ATF2: variants seen among roughly 807,000 people sequenced by gnomAD.
ATF2 encodes the protein activating transcription factor 2.
In ATF2, 24 loss-of-function variants were observed where a neutral mutation model predicts 60.6. The observed-to-expected ratio is 0.40, with a 90% CI of 0.29 to 0.56. The LOEUF (loss-of-function observed/expected upper bound fraction) is 0.56, where lower values mean the gene tolerates loss of function less well. Among genes scored for constraint, ATF2 ranks in the 20% least tolerant of loss-of-function variants. The pLI, the probability that ATF2 is intolerant of heterozygous loss-of-function variation, is 0.54. For missense variants in ATF2, 433 were observed against 607.7 expected, an observed-to-expected ratio of 0.71 and a Z score of 3.02; for synonymous variants, 206 against 215.4, an observed-to-expected ratio of 0.96 and a Z score of 0.38.
intron 4 of ATF2, among the ~76,000 whole-genome samples, chr2:175,121,938 T>C (rs1411047042): frequency 6.6e-6 from 1 of 151,924 alleles, no homozygotes; most frequent in African/African-American, 2.4e-5. Flanking sequence ...AATATTTACC[T>C]AGACTTAAGG....
chr2:175,145,662 T>C (rs980841344), intron 2 of ATF2, among the ~76,000 whole-genome samples: 7 of 152,196 alleles, frequency 4.6e-5, no homozygotes, highest in Non-Finnish European at 8.8e-5. Flanking sequence ...CCTTGAAGAA[T>C]TGGCTGATTC....
At chr2:175,119,797 A>G (rs1197008393) in intron 5 of ATF2, among the ~76,000 whole-genome samples, 2 of 151,712 alleles carry the variant, frequency 1.3e-5, no homozygotes, top group African/African-American at 4.8e-5. Context: ...ATCTAAGTTC[A>G]TCAGAAGGCT....
chr2:175,106,634 G>A (rs376446931), intron 10 of ATF2, among the ~76,000 whole-genome samples: 2 of 151,868 alleles, frequency 1.3e-5, no homozygotes, highest in South Asian at 2.1e-4. Context: ...TCAGGAGTTC[G>A]AGACCAGCCT....
intron 11 of ATF2, among the ~76,000 whole-genome samples, chr2:175,095,403 G>A (rs1694867322): frequency 6.6e-6 from 1 of 152,154 alleles, no homozygotes; most frequent in Admixed American, 6.5e-5. Flanking sequence ...TTCTTATTGA[G>A]AATGGCAGGT....
intron 8 of ATF2, chr2:175,114,419 T>C: frequency 8.0e-7 from 1 of 1,249,512 alleles, no homozygotes; most frequent in Non-Finnish European, 1.0e-6. Context: ...AATCTGGTGA[T>C]GCAGTAATTT....
chr2:175,139,428 T>C (rs1255380233), intron 2 of ATF2, among the ~76,000 whole-genome samples: 1 of 152,030 alleles, frequency 6.6e-6, no homozygotes, highest in East Asian at 1.9e-4. Flanking sequence ...TGCCAGCACT[T>C]TGGGAGGCCG....
intron 1 of ATF2, among the ~76,000 whole-genome samples, chr2:175,154,225 G>GAAAAA (rs748103537): frequency 4.7e-4 from 66 of 141,618 alleles, no homozygotes; most frequent in African/African-American, 1.4e-3. Context: ...AAAAAGAAAA[G>GAAAAA]AAAAAAAAAA....
intron 12 of ATF2, among the ~76,000 whole-genome samples, chr2:175,086,767 T>A (rs1024228882): frequency 1.3e-5 from 2 of 152,098 alleles, no homozygotes; most frequent in African/African-American, 4.8e-5. Context: ...AGAATTTTAA[T>A]CTCATAAAGA....
chr2:175,076,342 A>ACAC (rs1286432858), intron 13 of ATF2, among the ~76,000 whole-genome samples: 1 of 152,052 alleles, frequency 6.6e-6, no homozygotes, highest in Non-Finnish European at 1.5e-5. Flanking sequence ...CAATAAAACA[A>ACAC]CACCACCACC....
intron 1 of ATF2, among the ~76,000 whole-genome samples, chr2:175,154,922 G>A (rs1203992649): frequency 6.6e-6 from 1 of 152,164 alleles, no homozygotes; most frequent in African/African-American, 2.4e-5. Flanking sequence ...TCCTCTCTTG[G>A]GCATGGCCTC....
intron 7 of ATF2, 103 bp from the exon 8 acceptor site, chr2:175,114,971 ACTG>A: frequency 8.9e-7 from 1 of 1,123,980 alleles, no homozygotes; most frequent in Non-Finnish European, 1.2e-6. Context: ...CAGAATAATA[ACTG>A]CTAAAAGCAA....
intron 2 of ATF2, among the ~76,000 whole-genome samples, chr2:175,136,896 A>C (rs1474164378): frequency 6.6e-6 from 1 of 152,008 alleles, no homozygotes; most frequent in Non-Finnish European, 1.5e-5. Context: ...AGCCTAATTC[A>C]TCAAAATTTA....
intron 1 of ATF2, among the ~76,000 whole-genome samples, chr2:175,153,452 C>A (rs1020726291): frequency 6.6e-6 from 1 of 152,148 alleles, no homozygotes; most frequent in African/African-American, 2.4e-5. Context: ...TGTTACTGTA[C>A]TGAATACTGT....
At position 175,160,333 on chromosome 2, in the gene ATF2, T is replaced by C. The variant is rs1699940641; in HGVS notation, c.-143+7717A>G. ...CCAGGTGTTTGAGGCAGCAGTGAAC[T>C]ACGACTGCACCACCACACTCCAGCC... On this transcript the variant is annotated intron_variant, in intron 1 of 13. Coordinates refer to ENST00000264110, the MANE Select transcript of ATF2 (RefSeq NM_001880.4). 2.0e-5 allele frequency among the ~76,000 whole-genome samples: 3 copies of C among 152,056 alleles called. No individual in the cohort carries two copies. The South Asian group carries it at 6.2e-4, about 31-fold the overall frequency.
intron 13 of ATF2, among the ~76,000 whole-genome samples, chr2:175,076,115 G>A (rs1693273409): frequency 6.6e-6 from 1 of 152,152 alleles, no homozygotes; most frequent in Admixed American, 6.6e-5. Context: ...AGAAGATGGA[G>A]AGGGGGATAC....
intron 7 of ATF2, 91 bp from the exon 8 acceptor site, chr2:175,114,959 T>C (rs766494818): frequency 4.1e-5 from 51 of 1,235,394 alleles, no homozygotes; most frequent in Non-Finnish European, 5.6e-5. Context: ...TAAAAGCATC[T>C]ACAGAATAAT....
At chr2:175,085,973 T>C (rs1169230855) in intron 12 of ATF2, among the ~76,000 whole-genome samples, 1 of 152,236 alleles carries the variant, frequency 6.6e-6, no homozygotes, top group Non-Finnish European at 1.5e-5. Context: ...TAAATTTGCA[T>C]GTATCTAAAA....
intron 5 of ATF2, among the ~76,000 whole-genome samples, chr2:175,119,644 A>G (rs1046514197): frequency 6.6e-6 from 1 of 151,576 alleles, no homozygotes; most frequent in Non-Finnish European, 1.5e-5. Context: ...TTTCTAGCCT[A>G]TCCCTTAATT....
At chr2:175,146,541 T>C (rs1698965653) in intron 2 of ATF2, among the ~76,000 whole-genome samples, 1 of 152,264 alleles carries the variant, frequency 6.6e-6, no homozygotes. Flanking sequence ...TAATATGCAC[T>C]GTAATAATTC....
Sources: gnomAD v4.1 joint callset for allele counts (sites outside exome capture counted in the v4.1 genomes callset) on GRCh38, gnomAD v4.1.1 for gene constraint, MANE v1.5 for transcripts, NCBI Gene and HGNC (gene_info 2026-07-23, HGNC 2026-07-21) for gene names.